The following ELOVL2 variants were observed in gnomAD, a reference collection of about 807,000 sequenced individuals.
ELOVL2 encodes very long chain fatty acid elongase 2.
In ELOVL2, 38 loss-of-function variants were observed where a neutral mutation model predicts 37.7. The ratio of observed to expected loss-of-function variants is 1.01; its 90% CI spans 0.78 to 1.32. ELOVL2 has a LOEUF of 1.32. ELOVL2 is among the 40% of genes most tolerant of loss of function. ELOVL2 has a pLI of 0.00. For missense variants in ELOVL2, 352 were observed against 363.6 expected (o/e 0.97, Z 0.26); for synonymous variants, 115 against 122.3 (o/e 0.94, Z 0.40).
At chr6:10,990,261 T>C in intron 6 of ELOVL2, 57 bp downstream of exon 6, 2 of 1,579,184 alleles carry the variant, frequency 1.3e-6, no homozygotes, top group Non-Finnish European at 1.7e-6. Flanking sequence ...AAGATTTCTA[T>C]TTCCTTTCCC....
chr6:10,999,739 A>G (rs1160253289), intron 4 of ELOVL2, among the ~76,000 whole-genome samples: 1 of 152,186 alleles, frequency 6.6e-6, no homozygotes, highest in Non-Finnish European at 1.5e-5. Context: ...GCAAATACAC[A>G]TACACATTCA....
intron 2 of ELOVL2, among the ~76,000 whole-genome samples, chr6:11,008,282 C>G (rs747299669): frequency 2.0e-5 from 3 of 152,190 alleles, no homozygotes; most frequent in Non-Finnish European, 4.4e-5. Flanking sequence ...CATAAAATGA[C>G]CAATGCAGAG....
At chr6:10,991,148 G>C (rs1009569689) in intron 5 of ELOVL2, among the ~76,000 whole-genome samples, 1 of 152,258 alleles carries the variant, frequency 6.6e-6, no homozygotes, top group African/African-American at 2.4e-5. Context: ...GGAAACCATG[G>C]AGAAAGGGTC....
chr6:10,995,215 A>G, intron 4 of ELOVL2, 37 bp from the exon 5 acceptor site: 1 of 1,500,564 alleles, frequency 6.7e-7, no homozygotes, highest in Non-Finnish European at 9.1e-7. Flanking sequence ...AGGGTGAGAA[A>G]TGGCAGTGTT....
chr6:11,012,362 GGTCA>G (rs563097960), intron 1 of ELOVL2, among the ~76,000 whole-genome samples: 137 of 152,284 alleles, frequency 9.0e-4, no homozygotes, highest in African/African-American at 3.0e-3. Context: ...ATGTGAGAAA[GGTCA>G]GTTACCTGAG....
chr6:11,035,414 T>C (rs1268314969), intron 1 of ELOVL2, among the ~76,000 whole-genome samples: 1 of 152,232 alleles, frequency 6.6e-6, no homozygotes, highest in Non-Finnish European at 1.5e-5. Flanking sequence ...CATTTAAATA[T>C]ATCTGTCAGA....
At chr6:11,031,900 TCAAA>T (rs1782935018) in intron 1 of ELOVL2, among the ~76,000 whole-genome samples, 2 of 152,332 alleles carry the variant, frequency 1.3e-5, no homozygotes, top group East Asian at 3.9e-4. Context: ...ACATCATTCC[TCAAA>T]CAGTCCTTTC....
chr6:11,007,379 A>G (rs1284954903), intron 2 of ELOVL2, among the ~76,000 whole-genome samples: 1 of 152,210 alleles, frequency 6.6e-6, no homozygotes, highest in Non-Finnish European at 1.5e-5. Context: ...TATAAGAAGG[A>G]GAGGTCTGAA....
In ELOVL2 at chr6:10,988,768, C is replaced by A. The variant is rs139645695; in HGVS notation, c.765+935G>T. Among the ~76,000 whole-genome samples, 679 of 152,314 alleles carry A rather than the reference C, an allele frequency of 4.5e-3. 3 individuals are homozygous for A. Among genetic ancestry groups the A allele is most frequent in the African/African-American group, 0.015 (642 of 41,566 alleles). ...AAAGAGAGCAATTTAAAATCTACAT[C>A]CACCTGAGGCCTCTTCTCTGTTATA... On this transcript the variant is annotated intron_variant, in intron 7 of 7. Transcript: ENST00000354666.
chr6:11,042,876 G>C (rs1783123832), intron 1 of ELOVL2, among the ~76,000 whole-genome samples: 1 of 152,128 alleles, frequency 6.6e-6, no homozygotes, highest in Admixed American at 6.6e-5. Context: ...CCTACTGTGC[G>C]CCAGGCACTG....
chr6:10,998,221 G>A (rs1581864226), intron 4 of ELOVL2, among the ~76,000 whole-genome samples: 1 of 152,130 alleles, frequency 6.6e-6, no homozygotes, highest in Non-Finnish European at 1.5e-5. Flanking sequence ...AGTACCATGA[G>A]CCAAAATGAA....
At chr6:11,023,473 A>G (rs1561725585) in intron 1 of ELOVL2, among the ~76,000 whole-genome samples, 1 of 152,172 alleles carries the variant, frequency 6.6e-6, no homozygotes, top group Non-Finnish European at 1.5e-5. Flanking sequence ...ATTTCTATGT[A>G]TTTCTATATA....
chr6:11,041,445 T>C (rs1447377311), intron 1 of ELOVL2, among the ~76,000 whole-genome samples: 1 of 152,174 alleles, frequency 6.6e-6, no homozygotes, highest in Non-Finnish European at 1.5e-5. Context: ...ACTTTAAAAA[T>C]TGATTTTTTA....
At chr6:10,986,221 G>C (rs1782050031) in intron 7 of ELOVL2, among the ~76,000 whole-genome samples, 1 of 152,308 alleles carries the variant, frequency 6.6e-6, no homozygotes, top group South Asian at 2.1e-4. Flanking sequence ...CTTTGCTGAA[G>C]TTGCTTATCA....
chr6:10,991,696 CTG>C (rs995512543), intron 5 of ELOVL2, among the ~76,000 whole-genome samples: 2 of 152,166 alleles, frequency 1.3e-5, no homozygotes, highest in African/African-American at 4.8e-5. Context: ...CTGAAATAAA[CTG>C]TTACGGCGCT....
intron 1 of ELOVL2, among the ~76,000 whole-genome samples, chr6:11,017,434 T>C (rs1782702233): frequency 6.6e-6 from 1 of 152,182 alleles, no homozygotes; most frequent in Non-Finnish European, 1.5e-5. Flanking sequence ...GCCCCTTTCT[T>C]GTGCTGTGGT....
intron 3 of ELOVL2, 93 bp from the exon 4 acceptor site, chr6:11,000,257 C>A: frequency 8.2e-7 from 1 of 1,212,492 alleles, no homozygotes; most frequent in Admixed American, 1.9e-5. Flanking sequence ...GGCATCTGTT[C>A]AAGGTTTGAG....
chr6:11,040,991 CTATT>C (rs1783091354), intron 1 of ELOVL2, among the ~76,000 whole-genome samples: 1 of 152,174 alleles, frequency 6.6e-6, no homozygotes, highest in African/African-American at 2.4e-5. Flanking sequence ...CATAAATTAA[CTATT>C]TATTAGAATT....
At chr6:11,034,717 T>A (rs2113563752) in intron 1 of ELOVL2, among the ~76,000 whole-genome samples, 1 of 149,742 alleles carries the variant, frequency 6.7e-6, no homozygotes, top group Non-Finnish European at 1.5e-5. Flanking sequence ...AAAGCACTTA[T>A]TAGGGCTAAA....
Sources: allele counts gnomAD v4.1 joint callset (sites outside exome capture counted in the v4.1 genomes callset), GRCh38; gene constraint gnomAD v4.1.1; transcripts MANE v1.5; gene names NCBI Gene and HGNC (gene_info 2026-07-23, HGNC 2026-07-21).